FAM184A: variants seen among roughly 807,000 people sequenced by gnomAD.
The protein encoded by FAM184A is protein FAM184A.
FAM184A carries 99 observed loss-of-function variants against 143.8 expected under a neutral mutation model. The observed-to-expected ratio is 0.69, with a 90% CI of 0.58 to 0.81. The LOEUF (loss-of-function observed/expected upper bound fraction) is 0.81. Among genes scored for constraint, FAM184A ranks in the 40% least tolerant of loss-of-function variants. FAM184A has a pLI of 0.00. For synonymous variants in FAM184A, 427 were observed against 446.4 expected, an observed-to-expected ratio of 0.96 and a Z score of 0.55; for missense variants, 1,217 against 1,310.5, an observed-to-expected ratio of 0.93 and a Z score of 1.10.
At chr6:118,982,847 A>C (rs1450379990) in intron 9 of FAM184A, among the ~76,000 whole-genome samples, 3 of 152,212 alleles carry the variant, frequency 2.0e-5, no homozygotes, top group Admixed American at 6.5e-5. Flanking sequence ...ACATATTTAA[A>C]ATCTACAGAG....
chr6:119,009,707 A>G (rs1206128953), intron 6 of FAM184A: 1 of 152,134 alleles, frequency 6.6e-6, no homozygotes, highest in African/African-American at 2.4e-5. Context: ...GCCCTTGTTA[A>G]TTACTTACCA....
At chr6:119,099,830 ATCCTTTGCAGTC>A (rs1386970444) in intron 1 of FAM184A, among the ~76,000 whole-genome samples, 33 of 152,144 alleles carry the variant, frequency 2.2e-4, no homozygotes, top group Non-Finnish European at 8.8e-5. Flanking sequence ...TCTTCATCGT[ATCCTTTGCAGTC>A]TCCTTTGTAA....
At chr6:119,107,436 C>CA (rs1788814744) in intron 1 of FAM184A, among the ~76,000 whole-genome samples, 1 of 151,840 alleles carries the variant, frequency 6.6e-6, no homozygotes, top group Non-Finnish European at 1.5e-5. Context: ...CTTTTATTAG[C>CA]AAAAAAGAGT....
chr6:119,133,519 C>T (rs1354062158), intron 1 of FAM184A, among the ~76,000 whole-genome samples: 4 of 152,104 alleles, frequency 2.6e-5, no homozygotes, highest in African/African-American at 9.7e-5. Context: ...CTACAGAGAG[C>T]TCTGAAACTA....
At position 118,979,476 on chromosome 6, in the gene FAM184A, G is replaced by C; in HGVS notation, c.2344C>G (p.Gln782Glu). 7.4e-6 allele frequency: 12 copies of C among 1,613,558 alleles called. No individual in the cohort carries two copies. The highest frequency in any genetic ancestry group is 1.0e-5 in the Non-Finnish European group (12 of 1,179,812). ...HLQQKHSAEL[Q>E]SLKDAHRESM... ...TCTCTGTGTGCATCTTTTAGTGATTGAAGCTCTGCAGAATGCTTCTGTTGT... is the reference window on the plus strand; with the variant it reads ...TCTCTGTGTGCATCTTTTAGTGATTCAAGCTCTGCAGAATGCTTCTGTTGT... Residue 782 changes from glutamine (Q) to glutamate (E), a missense_variant, in exon 11 of 18, where the codon CAA (glutamine) becomes GAA (glutamate). Coordinates refer to ENST00000338891, the MANE Select transcript of FAM184A (RefSeq NM_024581.6).
chr6:118,975,940 T>C lies in FAM184A; in HGVS notation c.2560A>G (p.Ser854Gly). 6.2e-7 allele frequency: 1 copy of C among 1,613,188 alleles called. No homozygotes were observed. The highest frequency in any genetic ancestry group is 8.5e-7 in the Non-Finnish European group (1 of 1,179,894). Residue 854 changes from serine to glycine, a missense_variant, in exon 12 of 18, where the codon AGC becomes GGC. Physicochemically the swap from Ser to Gly is moderately conservative, Grantham distance 56. Transcript: ENST00000338891. ...ACCTGTCTTCTGCTGATGTCTATGC[T>C]TCTCTCTAATTCCATTTTAGCAGCT... Reference protein sequence around the residue: ...LAAAKMELERSIDISRRQSKE... With the variant: ...LAAAKMELERGIDISRRQSKE...
chr6:119,041,237 G>A (rs1247555866), intron 1 of FAM184A, among the ~76,000 whole-genome samples: 1 of 152,176 alleles, frequency 6.6e-6, no homozygotes, highest in Non-Finnish European at 1.5e-5. Context: ...AGATCCACGG[G>A]ACAGAGATGA....
intron 1 of FAM184A, among the ~76,000 whole-genome samples, chr6:119,096,254 C>G (rs1489887919): frequency 2.6e-5 from 4 of 152,180 alleles, no homozygotes; most frequent in Non-Finnish European, 4.4e-5. Flanking sequence ...CCTGGCATGT[C>G]TTCAGGTTAT....
At position 118,960,185 on chromosome 6, in the gene FAM184A, C is replaced by T. The variant is rs1044350785; in HGVS notation, c.3342-1G>A. The stretch of plus-strand genomic sequence containing the variant: ...TGGAGAAGCTTCACTCTGAGCAGGA[C>T]TGAATTCATAAAAAGAGAGACATGT... On this transcript the variant is annotated splice_acceptor_variant, in intron 17 of 17. Coordinates refer to ENST00000338891, the MANE Select transcript of FAM184A (RefSeq NM_024581.6). LOFTEE classifies it high-confidence loss of function. 11 of 1,611,194 alleles carry T rather than the reference C, an allele frequency of 6.8e-6. No homozygotes were observed. Among genetic ancestry groups the T allele is most frequent in the African/African-American group, 1.3e-5 (1 of 74,716 alleles).
At chr6:119,056,918 C>T (rs1479793634) in intron 1 of FAM184A, among the ~76,000 whole-genome samples, 1 of 152,144 alleles carries the variant, frequency 6.6e-6, no homozygotes, top group Non-Finnish European at 1.5e-5. Context: ...CTCAAACAAG[C>T]TAACAGGATA....
intron 6 of FAM184A, 95 bp downstream of exon 6, chr6:119,011,214 C>T (rs1208071900): frequency 1.9e-6 from 2 of 1,033,968 alleles, no homozygotes; most frequent in Non-Finnish European, 1.4e-6. Context: ...AGATATGTTA[C>T]CTTTACTGAG....
rs535529862 is a variant in FAM184A at position 119,131,498 on chromosome 6, A to T, written c.-202+17580T>A. Among the ~76,000 whole-genome samples the T allele has an allele frequency of 1.4e-3, 216 of 151,714 alleles. 1 individual carries two copies. Among genetic ancestry groups the T allele is most frequent in the Non-Finnish European group, 2.7e-3 (184 of 67,918 alleles). Reference sequence around the variant, plus strand: ...CACTCATACTTTTATTTATTTATTTATTTTTTGGAGAGGGTCTTGCTCTAT... The same window carrying T: ...CACTCATACTTTTATTTATTTATTTTTTTTTTGGAGAGGGTCTTGCTCTAT... On this transcript the variant is annotated intron_variant, in intron 1 of 16. Transcript: ENST00000352896.
intron 1 of FAM184A, among the ~76,000 whole-genome samples, chr6:119,145,945 G>A (rs1321883168): frequency 6.6e-6 from 1 of 152,152 alleles, no homozygotes; most frequent in African/African-American, 2.4e-5. Context: ...ACAGCTAGAA[G>A]TTGAACCGAG....
rs1783787335 is a variant in FAM184A, at chr6:118,974,444, CA to C, written c.2898del (p.Asn966LysfsTer8). ...ATGACTTACGACACTTGTAAAGCGG[CA>C]TTTATTTCCTTGAGTAGCTCGTTAG... Reference protein sequence around the residue: ...NKTNELLKEINAALQVSLEEM... With the variant: ...NKTNELLKEIXAALQVSLEEM... On this transcript the variant is annotated frameshift_variant, in exon 14 of 18. Coordinates refer to ENST00000338891, the MANE Select transcript of FAM184A (RefSeq NM_024581.6). LOFTEE classifies it high-confidence loss of function. 9 of 1,608,948 alleles carry C rather than the reference CA, an allele frequency of 5.6e-6. No homozygotes were observed. The highest frequency in any genetic ancestry group is 7.6e-6 in the Non-Finnish European group (9 of 1,177,690).
chr6:118,964,650 G>A lies in FAM184A; in HGVS notation c.3138+17C>T, dbSNP rs376795227. On this transcript the variant is annotated intron_variant, in intron 16 of 17. Coordinates refer to ENST00000338891, the MANE Select transcript of FAM184A (RefSeq NM_024581.6). ...TTTTAAACCACATTCCTATTCTACAGTGTTTACGGCACATACCTTAGCCAA... is the reference window on the plus strand; with the variant it reads ...TTTTAAACCACATTCCTATTCTACAATGTTTACGGCACATACCTTAGCCAA... 1.7e-5 allele frequency: 23 copies of A among 1,384,778 alleles called. No individual in the cohort carries two copies. Among genetic ancestry groups the A allele is most frequent in the Non-Finnish European group, 2.1e-5 (21 of 984,858 alleles). 85.8% of individuals were successfully genotyped at this position (1,384,778 alleles called of 1,614,324 possible).
At chr6:119,106,577 A>G (rs1475602966) in intron 1 of FAM184A, among the ~76,000 whole-genome samples, 4 of 152,238 alleles carry the variant, frequency 2.6e-5, no homozygotes, top group Non-Finnish European at 5.9e-5. Context: ...TAACTTTTAT[A>G]ACTAGAGGTC....
intron 1 of FAM184A, among the ~76,000 whole-genome samples, chr6:119,124,633 T>A (rs6569051): frequency 0.91 from 138,935 of 152,210 alleles, 63,469 homozygotes; most frequent in East Asian, 1. Context: ...ATGGGTATAA[T>A]AAGGAAGTTA....
chr6:119,073,934 G>A (rs183518632), intron 1 of FAM184A, among the ~76,000 whole-genome samples: 118 of 152,244 alleles, frequency 7.8e-4, no homozygotes, highest in African/African-American at 1.6e-3. Flanking sequence ...ATGCAAGAGG[G>A]GTATCTAGAG....
rs545530224 is a variant in FAM184A, at chr6:119,107,132, G to A, written c.-202+41946C>T. Among the ~76,000 whole-genome samples, 6 of 152,320 alleles carry A rather than the reference G, an allele frequency of 3.9e-5. No homozygotes were observed. In the South Asian group the frequency reaches 1.0e-3, roughly 26 times the overall value. The stretch of plus-strand genomic sequence containing the variant: ...ACTTAATGTGTAGTAAACATTAAAT[G>A]TATAAGCTGCATATGAAAATAGTTT... On this transcript the variant is annotated intron_variant, in intron 1 of 16. Coordinates refer to the FAM184A transcript ENST00000352896.
Sources: allele counts gnomAD v4.1 joint callset (sites outside exome capture counted in the v4.1 genomes callset), GRCh38; gene constraint gnomAD v4.1.1; transcripts MANE v1.5; gene names NCBI Gene and HGNC (gene_info 2026-07-23, HGNC 2026-07-21).